Variants in DGLUCY observed in about 807,000 individuals in gnomAD.
The protein encoded by DGLUCY is D-glutamate cyclase, mitochondrial.
Under a neutral mutation model 58.5 loss-of-function variants are expected in DGLUCY, and 58 were observed. The observed-to-expected ratio is 0.99, with a 90% CI of 0.80 to 1.23. The LOEUF is 1.23. DGLUCY is among the 50% of genes most tolerant of loss of function. The pLI is 0.00. For synonymous variants in DGLUCY, 325 were observed against 314.1 expected, an observed-to-expected ratio of 1.03 and a Z score of -0.37; for missense variants, 779 against 784.7, an observed-to-expected ratio of 0.99 and a Z score of 0.09.
At position 91,142,220 on chromosome 14, in the gene DGLUCY, A is replaced by C. The variant is rs573335056; in HGVS notation, c.-81-15419A>C. ...TTGGCATTCAGTCTATATTTATCTG[A>C]CTCTAGAACTTGTGGTCTGAATTGC... On this transcript the variant is annotated intron_variant, in intron 1 of 13. Coordinates refer to ENST00000256324, the MANE Select transcript of DGLUCY (RefSeq NM_001102368.3). 5.3e-5 allele frequency among the ~76,000 whole-genome samples: 8 copies of C among 152,000 alleles called. 1 individual carries two copies. The South Asian group carries it at 1.5e-3, about 28-fold the overall frequency.
At chr14:91,172,559 C>T (rs1476397082) in intron 5 of DGLUCY, among the ~76,000 whole-genome samples, 1 of 152,098 alleles carries the variant, frequency 6.6e-6, no homozygotes, top group East Asian at 1.9e-4. Flanking sequence ...ATATGCTGAT[C>T]ACTACTTCAA....
chr14:91,126,168 T>C (rs2045667069), intron 1 of DGLUCY, among the ~76,000 whole-genome samples: 1 of 152,160 alleles, frequency 6.6e-6, no homozygotes, highest in African/African-American at 2.4e-5. Context: ...ACTTGGTGGC[T>C]AAAAGCAACA....
chr14:91,201,779 G>C (rs138915214), intron 11 of DGLUCY, among the ~76,000 whole-genome samples: 1 of 151,922 alleles, frequency 6.6e-6, no homozygotes, highest in Non-Finnish European at 1.5e-5. Context: ...TGGTCTGGGC[G>C]TGGTGGCTCA....
chr14:91,105,403 G>A (rs747700899), upstream of DGLUCY, among the ~76,000 whole-genome samples: 3 of 152,136 alleles, frequency 2.0e-5, no homozygotes, highest in Non-Finnish European at 4.4e-5. Context: ...AGATCACATC[G>A]AGACAGGTGT....
chr14:91,111,266 A>G (rs968339584), upstream of DGLUCY, among the ~76,000 whole-genome samples: 1 of 138,852 alleles, frequency 7.2e-6, no homozygotes, highest in Non-Finnish European at 1.5e-5. Flanking sequence ...CTATATATCT[A>G]TATCTATCTA....
At chr14:91,108,137 A>C (rs2044622808) in intron 1 of DGLUCY, 1 of 152,522 alleles carries the variant, frequency 6.6e-6, no homozygotes, top group Non-Finnish European at 1.5e-5. Context: ...GTGCAGGTGG[A>C]AGTGTCTTCG....
At chr14:91,084,838 T>C (rs1373878737) in intron 1 of DGLUCY, among the ~76,000 whole-genome samples, 1 of 152,186 alleles carries the variant, frequency 6.6e-6, no homozygotes, top group Non-Finnish European at 1.5e-5. Flanking sequence ...CGTTTTGTAC[T>C]CATGATGCTT....
intron 10 of DGLUCY, among the ~76,000 whole-genome samples, chr14:91,197,764 A>G (rs1277921002): frequency 1.3e-5 from 2 of 152,328 alleles, no homozygotes; most frequent in East Asian, 3.9e-4. Context: ...CCTTGTGTGT[A>G]TAGACCACAT....
chr14:91,202,966 C>T (rs1317253356), intron 11 of DGLUCY, among the ~76,000 whole-genome samples: 3 of 152,218 alleles, frequency 2.0e-5, no homozygotes, highest in East Asian at 3.8e-4. Context: ...AACCCCTGTT[C>T]CTCAGGTTCC....
chr14:91,072,373 G>A (rs1189716757), intron 1 of DGLUCY, among the ~76,000 whole-genome samples: 5 of 151,472 alleles, frequency 3.3e-5, no homozygotes, highest in Non-Finnish European at 5.9e-5. Context: ...AAACAGACAC[G>A]ATTCTAATTT....
intron 3 of DGLUCY, among the ~76,000 whole-genome samples, chr14:91,164,386 G>T (rs1308931313): frequency 6.6e-6 from 1 of 152,198 alleles, no homozygotes; most frequent in African/African-American, 2.4e-5. Context: ...TGTCCTTACT[G>T]GTTCTAGTAG....
chr14:91,110,426 CTTTCTT>C (rs1282849632), upstream of DGLUCY, among the ~76,000 whole-genome samples: 5 of 120,502 alleles, frequency 4.1e-5, no homozygotes, highest in Non-Finnish European at 6.5e-5. Flanking sequence ...TTCTTTCTTT[CTTTCTT>C]TTTTTTTTTT....
chr14:91,110,834 C>T (rs1240906024), upstream of DGLUCY, among the ~76,000 whole-genome samples: 1 of 152,128 alleles, frequency 6.6e-6, no homozygotes, highest in Non-Finnish European at 1.5e-5. Context: ...GCATTAAGTA[C>T]ATTCACAATG....
chr14:91,105,084 T>C (rs1383585976), upstream of DGLUCY, among the ~76,000 whole-genome samples: 2 of 152,100 alleles, frequency 1.3e-5, no homozygotes, highest in African/African-American at 4.8e-5. Context: ...GGAAGCTGAG[T>C]TGGGAGGATC....
chr14:91,218,646 G>A (rs922788866), intron 13 of DGLUCY, among the ~76,000 whole-genome samples: 11 of 151,652 alleles, frequency 7.3e-5, no homozygotes, highest in African/African-American at 9.7e-5. Context: ...CAAGTGATCC[G>A]CCTGCCTCAG....
chr14:91,175,967 C>A lies in DGLUCY; in HGVS notation c.641C>A (p.Ala214Asp), dbSNP rs753560430. ...GGAATCAAAGAGCTTTCCAAACCTG[C>A]CTACGGGGATGCCATGGTGTGTCCC... ...LLGIKELSKPAYGDAMVCPPG... is the reference protein window; with the variant it reads ...LLGIKELSKPDYGDAMVCPPG... The change falls in exon 7 of 14, where the codon GCC becomes GAC. Residue 214 changes from alanine to aspartate, a missense_variant. Coordinates refer to ENST00000256324, the MANE Select transcript of DGLUCY (RefSeq NM_001102368.3). The A allele has an allele frequency of 2.5e-6, 4 of 1,614,036 alleles. No homozygotes were observed. The highest frequency in any genetic ancestry group is 2.5e-6 in the Non-Finnish European group (3 of 1,179,934).
chr14:91,202,697 G>T (rs1306730110), intron 11 of DGLUCY, among the ~76,000 whole-genome samples: 1 of 152,152 alleles, frequency 6.6e-6, no homozygotes, highest in Non-Finnish European at 1.5e-5. Flanking sequence ...GGGCAAACAG[G>T]GTCTGAGGGA....
intron 1 of DGLUCY, among the ~76,000 whole-genome samples, chr14:91,066,931 A>G (rs78395864): frequency 2.0e-5 from 3 of 151,462 alleles, no homozygotes; most frequent in African/African-American, 7.3e-5. Context: ...AAAAAAAAAA[A>G]TTAGCCGTGC....
chr14:91,149,733 G>A (rs982028532), intron 1 of DGLUCY, among the ~76,000 whole-genome samples: 2 of 152,230 alleles, frequency 1.3e-5, no homozygotes, highest in Admixed American at 6.5e-5. Flanking sequence ...GAAACAGAAG[G>A]GTTGGCCTTT....
Sources: allele counts gnomAD v4.1 joint callset (sites outside exome capture counted in the v4.1 genomes callset), GRCh38; gene constraint gnomAD v4.1.1; transcripts MANE v1.5; gene names NCBI Gene and HGNC (gene_info 2026-07-23, HGNC 2026-07-21).